NECAB2: variants seen among roughly 807,000 people sequenced by gnomAD.
NECAB2 encodes the protein N-terminal EF-hand calcium-binding protein 2.
NECAB2 carries 68 observed loss-of-function variants against 51.9 expected under a neutral mutation model. The observed-to-expected ratio is 1.31, with a 90% CI of 1.08 to 1.60. The LOEUF is 1.60. Among genes scored for constraint, NECAB2 ranks in the 40% most tolerant of loss-of-function variants. NECAB2 has a pLI of 0.00. For synonymous variants in NECAB2, 329 were observed against 203.5 expected (o/e 1.62, Z -5.25); for missense variants, 854 against 490.3 (o/e 1.74, Z -7.00).
In NECAB2 at chr16:84,001,875, C is replaced by T; in HGVS notation, c.1091C>T (p.Thr364Ile). 6.2e-7 allele frequency: 1 copy of T among 1,614,164 alleles called. No homozygotes were observed. Among genetic ancestry groups the T allele is most frequent in the Non-Finnish European group, 8.5e-7 (1 of 1,179,996 alleles). Reference sequence around the variant, plus strand: ...GCGTTCCGGCACGTCAAGGTGGACACACTGAGCCAGCCTGAGGCCCTCTCC... The same window carrying T: ...GCGTTCCGGCACGTCAAGGTGGACATACTGAGCCAGCCTGAGGCCCTCTCC... ...CKAFRHVKVD[T>I]LSQPEALSRI... Residue 364 changes from threonine to isoleucine, a missense_variant, in exon 12 of 13, where the codon ACA becomes ATA. By Grantham distance (89) the Thr-to-Ile change is moderately conservative. Transcript: ENST00000305202.
intron 5 of NECAB2, among the ~76,000 whole-genome samples, chr16:83,984,313 C>G (rs1200666108): frequency 2.6e-5 from 4 of 151,392 alleles, no homozygotes; most frequent in Non-Finnish European, 4.4e-5. Context: ...TTAAACAAAA[C>G]TGCCCTGGGC....
At chr16:84,001,200 G>C (rs544159840) in intron 11 of NECAB2, among the ~76,000 whole-genome samples, 2 of 151,804 alleles carry the variant, frequency 1.3e-5, no homozygotes, top group Non-Finnish European at 2.9e-5. Flanking sequence ...CTGAGTGCCC[G>C]GTACGAGGGA....
Position 83,994,631 on chromosome 16 carries a change from G to C in NECAB2, c.738G>C (p.Glu246Asp), listed in dbSNP as rs770061121. 1 of 1,614,162 alleles carries C rather than the reference G, an allele frequency of 6.2e-7. No homozygotes were observed. The highest frequency in any genetic ancestry group is 1.3e-5 in the African/African-American group (1 of 75,064). Residue 246 changes from glutamate to aspartate, a missense_variant, in exon 8 of 13, where the codon GAG becomes GAC. Transcript: ENST00000305202. ...CAGCCACGGAGGATGCAAAGGAAGA[G>C]GGTCTGGAAGCCCAGATCAGCCGCT... The part of the protein sequence containing the change: ...LPSATEDAKE[E>D]GLEAQISRLA...
At chr16:83,986,911 T>G (rs956318890) in intron 5 of NECAB2, among the ~76,000 whole-genome samples, 1 of 152,112 alleles carries the variant, frequency 6.6e-6, no homozygotes, top group African/African-American at 2.4e-5. Context: ...GGGTTAGGGT[T>G]GAAACATTAC....
chr16:83,987,150 A>G (rs575885613), intron 5 of NECAB2, among the ~76,000 whole-genome samples: 1 of 152,224 alleles, frequency 6.6e-6, no homozygotes, highest in Non-Finnish European at 1.5e-5. Context: ...CTCCTGAATA[A>G]GGAAAGACTT....
intron 2 of NECAB2, 37 bp from the exon 3 acceptor site, chr16:83,978,407 C>A: frequency 6.3e-7 from 1 of 1,577,754 alleles, no homozygotes; most frequent in Non-Finnish European, 8.7e-7. Context: ...CTTATCTCTG[C>A]AGACACCAGC....
chr16:83,996,099 C>G (rs1312871109), intron 8 of NECAB2, among the ~76,000 whole-genome samples: 1 of 152,226 alleles, frequency 6.6e-6, no homozygotes, highest in Non-Finnish European at 1.5e-5. Context: ...CCTTCACCGG[C>G]CAACCGGAGC....
At chr16:83,990,953 T>A (rs2084616330) in intron 6 of NECAB2, among the ~76,000 whole-genome samples, 2 of 152,182 alleles carry the variant, frequency 1.3e-5, no homozygotes, top group African/African-American at 4.8e-5. Context: ...TATGCAGAAC[T>A]ATTCTGTTGT....
At position 84,002,633 on chromosome 16, in the gene NECAB2, T is replaced by A; in HGVS notation, c.*287T>A. 1.9e-6 allele frequency: 1 copy of A among 534,696 alleles called. No individual in the cohort carries two copies. The highest frequency in any genetic ancestry group is 3.4e-6 in the Non-Finnish European group (1 of 296,816). The allele number at this position is 534,696 out of a possible 1,614,324, so 33.1% of individuals were successfully genotyped here. The stretch of plus-strand genomic sequence containing the variant: ...CCTGGCCTCTCCCCTACCCCTCACA[T>A]GGCCACGCATGACCCACACTGACCA... On this transcript the variant is annotated 3_prime_UTR_variant, in exon 13 of 13. Coordinates refer to ENST00000305202, the MANE Select transcript of NECAB2 (RefSeq NM_019065.3).
rs773422338 is a variant in NECAB2 at position 83,972,161 on chromosome 16, G to T, written c.212G>T (p.Arg71Leu). Residue 71 changes from arginine to leucine, a missense_variant, in exon 2 of 13, where the codon CGT (arginine) becomes CTT (leucine). Arg to Leu is a moderately radical substitution (Grantham distance 102, BLOSUM62 -2). Transcript: ENST00000305202. ...GTAVILDIFR[R>L]ADKNDDGKLS... ...CTCTCTTTTCTGCAGATTTTCCGCCGTGCGGACAAAAATGGTGAGTTTCCC... is the reference window on the plus strand; with the variant it reads ...CTCTCTTTTCTGCAGATTTTCCGCCTTGCGGACAAAAATGGTGAGTTTCCC... The T allele has an allele frequency of 6.2e-7, 1 of 1,613,340 alleles. No individual in the cohort carries two copies. The highest frequency in any genetic ancestry group is 2.2e-5 in the East Asian group (1 of 44,890).
chr16:83,997,635 G>GCCCC (rs2084732122), intron 9 of NECAB2, among the ~76,000 whole-genome samples: 1 of 151,766 alleles, frequency 6.6e-6, no homozygotes, highest in Admixed American at 6.6e-5. Context: ...TTACAGGTGT[G>GCCCC]TGCCACCACG....
Position 84,000,606 on chromosome 16 carries a change from G to T in NECAB2, c.963-118G>T, listed in dbSNP as rs988448721. The T allele has an allele frequency of 6.8e-6, 5 of 738,470 alleles. No individual in the cohort carries two copies. The South Asian group carries it at 8.6e-5, about 13-fold the overall frequency. The allele number at this position is 738,470 out of a possible 1,614,324, so 45.7% of individuals were successfully genotyped here. On this transcript the variant is annotated intron_variant, in intron 10 of 12. Transcript: ENST00000305202. ...GTCTCGATGGAGGTCAAGACAGGAAGAAACATTGAAGGCAGCCGTTGTGTA... is the reference window on the plus strand; with the variant it reads ...GTCTCGATGGAGGTCAAGACAGGAATAAACATTGAAGGCAGCCGTTGTGTA...
At chr16:83,986,541 CTTG>C (rs1455697264) in intron 5 of NECAB2, among the ~76,000 whole-genome samples, 1 of 151,952 alleles carries the variant, frequency 6.6e-6, no homozygotes, top group African/African-American at 2.4e-5. Context: ...AAGACGGGGT[CTTG>C]TTGTGTTGCC....
chr16:83,998,152 T>C lies in NECAB2; in HGVS notation c.850-53T>C, dbSNP rs1164513383. ...GGTCATGGGGGCCTGATGGGGTGTT[T>C]AGGGAGAAGGCCTGACGTGGAGCCC... On this transcript the variant is annotated intron_variant, in intron 9 of 12. Coordinates refer to ENST00000305202, the MANE Select transcript of NECAB2 (RefSeq NM_019065.3). 7 of 1,549,050 alleles carry C rather than the reference T, an allele frequency of 4.5e-6. No homozygotes were observed. The African/African-American group carries it at 5.4e-5, about 12-fold the overall frequency.
intron 8 of NECAB2, among the ~76,000 whole-genome samples, chr16:83,995,054 A>G (rs1295971719): frequency 1.3e-5 from 2 of 152,242 alleles, no homozygotes; most frequent in African/African-American, 4.8e-5. Flanking sequence ...GCCGAAAGGC[A>G]GCACCAGGAT....
chr16:83,970,134 GA>G (rs2084332842), intron 1 of NECAB2, among the ~76,000 whole-genome samples: 1 of 152,160 alleles, frequency 6.6e-6, no homozygotes, highest in Non-Finnish European at 1.5e-5. Context: ...GCCCTGCATG[GA>G]AGCCCTGCCC....
chr16:83,965,555 C>T (rs775668302), upstream of NECAB2: 16 of 1,612,796 alleles, frequency 9.9e-6, no homozygotes, highest in Non-Finnish European at 1.0e-5. Context: ...GGTGTTCAAC[C>T]AGCTGCCCAA....
At chr16:83,974,915 GGTGCGGGGATGGGAACAGGT>G (rs2084389318) in intron 2 of NECAB2, among the ~76,000 whole-genome samples, 2 of 138,094 alleles carry the variant, frequency 1.4e-5, no homozygotes, top group African/African-American at 3.2e-5. Flanking sequence ...GGGAGGCGTG[GGTGCGGGGATGGGAACAGGT>G]GTGCAGGGAG....
intron 2 of NECAB2, among the ~76,000 whole-genome samples, chr16:83,975,272 G>A (rs1309324965): frequency 6.8e-6 from 1 of 146,156 alleles, no homozygotes; most frequent in Non-Finnish European, 1.5e-5. Flanking sequence ...GGAGGCGTGG[G>A]TGCGGGGATG....
Sources: allele counts gnomAD v4.1 joint callset (sites outside exome capture counted in the v4.1 genomes callset), GRCh38; gene constraint gnomAD v4.1.1; transcripts MANE v1.5; gene names NCBI Gene and HGNC (gene_info 2026-07-23, HGNC 2026-07-21).